Variants in SUPT3H observed in about 807,000 individuals in gnomAD.
SUPT3H encodes the protein SPT3 homolog, SAGA and STAGA complex component, also known as transcription initiation protein SPT3 homolog.
A neutral mutation model predicts 44.3 loss-of-function variants in SUPT3H; 44 were observed. The ratio of observed to expected loss-of-function variants is 0.99; its 90% CI spans 0.78 to 1.28. SUPT3H has a LOEUF of 1.28. SUPT3H is among the 50% of genes most tolerant of loss of function. SUPT3H has a pLI of 0.00. For synonymous variants in SUPT3H, 124 were observed against 125.6 expected (o/e 0.99, Z 0.09); for missense variants, 380 against 387.1 (o/e 0.98, Z 0.15).
In SUPT3H at chr6:44,964,471, T is replaced by A. The variant is rs75066976; in HGVS notation, c.505-2643A>T. On this transcript the variant is annotated intron_variant, in intron 6 of 10. Coordinates refer to ENST00000371459, the MANE Select transcript of SUPT3H (RefSeq NM_003599.4). ...TCTGCATATATGCTTACATAGCTGA[T>A]GTATTCGCAATAAGTGTTTCTAGAA... 7.3e-3 allele frequency among the ~76,000 whole-genome samples: 1,115 copies of A among 152,276 alleles called. 20 individuals are homozygous for A. The highest frequency in any genetic ancestry group is 0.025 in the African/African-American group (1,052 of 41,554).
intron 6 of SUPT3H, among the ~76,000 whole-genome samples, chr6:44,981,869 GAAAAAA>G (rs374909903): frequency 7.7e-6 from 1 of 129,080 alleles, no homozygotes. Context: ...TACATGACAT[GAAAAAA>G]AAAAAAAAAA....
At chr6:45,118,680 C>T (rs1031549015) in intron 2 of SUPT3H, among the ~76,000 whole-genome samples, 11 of 152,062 alleles carry the variant, frequency 7.2e-5, no homozygotes, top group African/African-American at 2.4e-4. Context: ...AAACTTAGTT[C>T]GAGGGGTACG....
chr6:45,337,677 C>T (rs758336514), intron 2 of SUPT3H, among the ~76,000 whole-genome samples: 11 of 151,638 alleles, frequency 7.3e-5, no homozygotes, highest in Non-Finnish European at 1.5e-4. Context: ...CAGAGCAAAA[C>T]ATTTTGAATG....
chr6:45,176,643 C>T (rs1178177880), intron 2 of SUPT3H, among the ~76,000 whole-genome samples: 2 of 150,626 alleles, frequency 1.3e-5, no homozygotes, highest in Non-Finnish European at 1.5e-5. Context: ...AACAAAAAGA[C>T]AGCAGTAACC....
intron 3 of SUPT3H, among the ~76,000 whole-genome samples, chr6:45,055,100 A>C (rs542371736): frequency 6.6e-6 from 1 of 152,148 alleles, no homozygotes; most frequent in Non-Finnish European, 1.5e-5. Context: ...GATTTTATGG[A>C]ATTAGTAATT....
intron 2 of SUPT3H, among the ~76,000 whole-genome samples, chr6:45,293,928 CTTA>C (rs145525775): frequency 0.58 from 88,628 of 151,534 alleles, 26,708 homozygotes; most frequent in African/African-American, 0.74. Flanking sequence ...TGGTACCAAT[CTTA>C]TTGACACTAT....
intron 10 of SUPT3H, among the ~76,000 whole-genome samples, chr6:44,899,821 T>C (rs984283596): frequency 6.6e-6 from 1 of 152,214 alleles, no homozygotes; most frequent in African/African-American, 2.4e-5. Context: ...GTATTAGTAC[T>C]TTTCCTGATG....
At chr6:45,318,947 G>T (rs540176311) in intron 2 of SUPT3H, among the ~76,000 whole-genome samples, 17 of 151,822 alleles carry the variant, frequency 1.1e-4, no homozygotes, top group African/African-American at 4.1e-4. Flanking sequence ...TATTAATTTT[G>T]GATGAAAATC....
At chr6:44,959,406 T>C (rs1775688293) in intron 7 of SUPT3H, among the ~76,000 whole-genome samples, 2 of 152,124 alleles carry the variant, frequency 1.3e-5, no homozygotes, top group East Asian at 3.9e-4. Flanking sequence ...ACAATATCAG[T>C]AATTAAATCC....
chr6:44,847,637 GC>G (rs1258604726), intron 10 of SUPT3H, among the ~76,000 whole-genome samples: 1 of 152,006 alleles, frequency 6.6e-6, no homozygotes, highest in East Asian at 1.9e-4. Flanking sequence ...ACAGGCATGT[GC>G]CACCATGCCC....
intron 10 of SUPT3H, among the ~76,000 whole-genome samples, chr6:44,866,613 T>C (rs779707191): frequency 2.6e-5 from 4 of 152,212 alleles, no homozygotes; most frequent in Non-Finnish European, 4.4e-5. Context: ...TTACTGTGTG[T>C]CAAATTAGGT....
intron 10 of SUPT3H, 34 bp from the exon 11 acceptor site, chr6:44,829,891 C>G (rs1451077714): frequency 6.2e-7 from 1 of 1,608,486 alleles, no homozygotes; most frequent in Middle Eastern, 1.7e-4. Flanking sequence ...AATGAATTAT[C>G]ACATGAAGTC....
At chr6:45,311,533 C>G (rs1173902764) in intron 2 of SUPT3H, among the ~76,000 whole-genome samples, 1 of 152,052 alleles carries the variant, frequency 6.6e-6, no homozygotes, top group Non-Finnish European at 1.5e-5. Flanking sequence ...AAAGTTAAGA[C>G]AAAGGAAAGT....
intron 2 of SUPT3H, among the ~76,000 whole-genome samples, chr6:45,186,601 A>G (rs1403768737): frequency 6.6e-6 from 1 of 152,218 alleles, no homozygotes; most frequent in East Asian, 1.9e-4. Context: ...TACCAGATTT[A>G]AAGTAGAATT....
chr6:45,284,828 C>T (rs1343437974), intron 2 of SUPT3H, among the ~76,000 whole-genome samples: 3 of 152,032 alleles, frequency 2.0e-5, no homozygotes, highest in Non-Finnish European at 4.4e-5. Flanking sequence ...TGATGAACAT[C>T]GATACAAAAA....
intron 2 of SUPT3H, among the ~76,000 whole-genome samples, chr6:45,232,523 A>AGT (rs1768251808): frequency 6.6e-6 from 1 of 152,152 alleles, no homozygotes; most frequent in Non-Finnish European, 1.5e-5. Context: ...CAGGCAGGCC[A>AGT]ATTCGTGGGC....
At chr6:44,908,738 A>G (rs1280175132) in intron 10 of SUPT3H, among the ~76,000 whole-genome samples, 1 of 152,148 alleles carries the variant, frequency 6.6e-6, no homozygotes, top group Non-Finnish European at 1.5e-5. Flanking sequence ...AGGTAGGTAT[A>G]TATAATTCCT....
intron 2 of SUPT3H, among the ~76,000 whole-genome samples, chr6:45,353,710 G>A (rs1441154520): frequency 6.6e-6 from 1 of 151,726 alleles, no homozygotes; most frequent in Non-Finnish European, 1.5e-5. Context: ...TCAAGGGTAG[G>A]ACATTCTGTC....
intron 2 of SUPT3H, among the ~76,000 whole-genome samples, chr6:45,242,084 C>T (rs755355468): frequency 3.9e-5 from 6 of 152,190 alleles, no homozygotes; most frequent in Admixed American, 6.5e-5. Flanking sequence ...ATTTACTTGA[C>T]TTGGTCTTCT....
Sources: allele counts gnomAD v4.1 joint callset (sites outside exome capture counted in the v4.1 genomes callset), GRCh38; gene constraint gnomAD v4.1.1; transcripts MANE v1.5; gene names NCBI Gene and HGNC (gene_info 2026-07-23, HGNC 2026-07-21).